CHN2: variants seen among roughly 807,000 people sequenced by gnomAD.
CHN2 encodes chimerin 2, also known as beta-chimaerin.
Under a neutral mutation model 56.3 loss-of-function variants are expected in CHN2, and 35 were observed. The observed-to-expected ratio is 0.62, with a 90% CI of 0.47 to 0.82. The LOEUF is 0.82. Ranked by LOEUF, CHN2 falls within the 40% of genes least tolerant of loss-of-function variation. CHN2 has a pLI of 0.00. For missense variants in CHN2, 491 were observed against 580.5 expected (o/e 0.85, Z 1.58); for synonymous variants, 210 against 212.8 (o/e 0.99, Z 0.12).
chr7:29,391,364 GGAAGGGAGGGTA>G (rs1248644708), intron 3 of CHN2, among the ~76,000 whole-genome samples: 1 of 146,338 alleles, frequency 6.8e-6, no homozygotes, highest in Non-Finnish European at 1.5e-5. Context: ...GGAGGGGAGG[GGAAGGGAGGGTA>G]GAAGGGAGGA....
At chr7:29,406,018 C>G (rs902281369) in intron 6 of CHN2, among the ~76,000 whole-genome samples, 5 of 152,202 alleles carry the variant, frequency 3.3e-5, no homozygotes, top group African/African-American at 9.6e-5. Flanking sequence ...GTGGTTCTCC[C>G]CAGTGCCATG....
intron 2 of CHN2, among the ~76,000 whole-genome samples, chr7:29,174,658 C>G (rs572100997): frequency 4.6e-5 from 7 of 152,062 alleles, no homozygotes; most frequent in Admixed American, 1.3e-4. Context: ...GTCAGGAGTT[C>G]GAGATCAGCC....
chr7:29,433,770 C>A (rs944249801), intron 6 of CHN2, among the ~76,000 whole-genome samples: 2 of 150,736 alleles, frequency 1.3e-5, no homozygotes, highest in Non-Finnish European at 2.9e-5. Flanking sequence ...ACCCAGGAGA[C>A]GGAGGTTGCA....
intron 1 of CHN2, among the ~76,000 whole-genome samples, chr7:29,297,353 A>G (rs4722898): frequency 0.18 from 26,935 of 152,100 alleles, 2,547 homozygotes; most frequent in East Asian, 0.31. Context: ...ATCTGACTGC[A>G]GTTAGAAAGG....
intron 1 of CHN2, among the ~76,000 whole-genome samples, chr7:29,215,061 C>A (rs1391030868): frequency 6.6e-6 from 1 of 152,152 alleles, no homozygotes; most frequent in Non-Finnish European, 1.5e-5. Context: ...GGATGAATGA[C>A]TGAGTAAATG....
chr7:29,510,956 TCTC>T (rs1297270620), intron 12 of CHN2, among the ~76,000 whole-genome samples: 4 of 1,638 alleles, frequency 2.4e-3, no homozygotes, highest in Admixed American at 0.011. Context: ...CTTGTGTCTC[TCTC>T]TTTCACTGCA....
intron 3 of CHN2, among the ~76,000 whole-genome samples, chr7:29,386,061 TC>T (rs1679600862): frequency 6.6e-6 from 1 of 152,196 alleles, no homozygotes; most frequent in Admixed American, 6.5e-5. Context: ...ATTCACCTCA[TC>T]AGTGCCCTAT....
rs1375008713 is a variant in CHN2, at chr7:29,400,885, C to T, written c.576+57C>T. ...TTTTAATCCATGCCGCATCAACAGGCGGGTTAACTATAGGTGCGATTTGCT... is the reference window on the plus strand; with the variant it reads ...TTTTAATCCATGCCGCATCAACAGGTGGGTTAACTATAGGTGCGATTTGCT... On this transcript the variant is annotated intron_variant, in intron 6 of 12. Coordinates refer to ENST00000222792, the MANE Select transcript of CHN2 (RefSeq NM_004067.4). 9 of 1,553,902 alleles carry T rather than the reference C, an allele frequency of 5.8e-6. No homozygotes were observed. The East Asian group carries it at 6.9e-5, about 12-fold the overall frequency.
chr7:29,432,305 G>A (rs138488329), intron 6 of CHN2, among the ~76,000 whole-genome samples: 21 of 152,300 alleles, frequency 1.4e-4, no homozygotes, highest in African/African-American at 4.8e-4. Flanking sequence ...ATAATACAGT[G>A]ATGTCCCAAT....
intron 1 of CHN2, among the ~76,000 whole-genome samples, chr7:29,324,959 T>C (rs889954894): frequency 2.6e-5 from 4 of 152,224 alleles, no homozygotes; most frequent in Non-Finnish European, 5.9e-5. Flanking sequence ...CATCAAGTTA[T>C]TGAGCTACCT....
At chr7:29,146,602 G>A in exon 1 of CHN2, 1 of 1,550,412 alleles carries the variant, frequency 6.4e-7, no homozygotes, top group Admixed American at 2.0e-5. Flanking sequence ...GACCCACAGG[G>A]CAAAAAGTGC....
chr7:29,342,389 A>G (rs934033066), intron 1 of CHN2, among the ~76,000 whole-genome samples: 3 of 152,174 alleles, frequency 2.0e-5, no homozygotes, highest in Non-Finnish European at 2.9e-5. Context: ...TTCCATCTCT[A>G]CTTCAGGACT....
intron 1 of CHN2, among the ~76,000 whole-genome samples, chr7:29,309,964 C>T (rs557848501): frequency 6.6e-6 from 1 of 152,296 alleles, no homozygotes; most frequent in African/African-American, 2.4e-5. Context: ...AGGCAGGACT[C>T]CCTGCCTCAA....
intron 6 of CHN2, among the ~76,000 whole-genome samples, chr7:29,436,823 G>A (rs1457682160): frequency 2.0e-5 from 3 of 152,020 alleles, no homozygotes; most frequent in African/African-American, 7.2e-5. Context: ...AGGTTCCTAA[G>A]TATTGGGCTT....
intron 1 of CHN2, among the ~76,000 whole-genome samples, chr7:29,235,006 A>G (rs1787075749): frequency 6.6e-6 from 1 of 152,194 alleles, no homozygotes; most frequent in Non-Finnish European, 1.5e-5. Context: ...TATTGATCTA[A>G]GGCCAACTTA....
At chr7:29,446,585 T>C (rs1784050232) in intron 6 of CHN2, among the ~76,000 whole-genome samples, 1 of 152,064 alleles carries the variant, frequency 6.6e-6, no homozygotes, top group African/African-American at 2.4e-5. Context: ...ACTTTCTGAG[T>C]TGCTGTGGGT....
rs146251854 is a variant in CHN2, at chr7:29,367,372, G to C, written c.89-560G>C. ...ATGGATGGGAAGTCATCAAATGGAT[G>C]TGAATTTGCAGTGTGATAGACAGGG... On this transcript the variant is annotated intron_variant, in intron 2 of 12. Coordinates refer to ENST00000222792, the MANE Select transcript of CHN2 (RefSeq NM_004067.4). 1.6e-4 allele frequency among the ~76,000 whole-genome samples: 25 copies of C among 152,278 alleles called. No individual in the cohort carries two copies. The East Asian group carries it at 4.4e-3, about 27-fold the overall frequency.
At chr7:29,179,042 G>A (rs1236028199) in intron 2 of CHN2, among the ~76,000 whole-genome samples, 1 of 152,090 alleles carries the variant, frequency 6.6e-6, no homozygotes, top group Non-Finnish European at 1.5e-5. Context: ...GGATTATAGG[G>A]GACCCAGCAT....
intron 3 of CHN2, among the ~76,000 whole-genome samples, chr7:29,382,042 C>T (rs1485458763): frequency 1.3e-5 from 2 of 152,090 alleles, no homozygotes; most frequent in Non-Finnish European, 1.5e-5. Flanking sequence ...TCAGTTAGTC[C>T]TCTGGAAATG....
Sources: gnomAD v4.1 joint callset for allele counts (sites outside exome capture counted in the v4.1 genomes callset) on GRCh38, gnomAD v4.1.1 for gene constraint, MANE v1.5 for transcripts, NCBI Gene and HGNC (gene_info 2026-07-23, HGNC 2026-07-21) for gene names.